OLA1: variants seen among roughly 807,000 people sequenced by gnomAD.
The protein encoded by OLA1 is obg-like ATPase 1.
Under a neutral mutation model 48.4 loss-of-function variants are expected in OLA1, and 14 were observed. The ratio of observed to expected loss-of-function variants is 0.29; its 90% CI spans 0.19 to 0.45. The LOEUF (loss-of-function observed/expected upper bound fraction) is 0.45, where lower values mean the gene tolerates loss of function less well. Among genes scored for constraint, OLA1 ranks in the 20% least tolerant of loss-of-function variants. The pLI is 1.00. For synonymous variants in OLA1, 127 were observed against 150.4 expected, an observed-to-expected ratio of 0.84 and a Z score of 1.14; for missense variants, 325 against 467.1, an observed-to-expected ratio of 0.70 and a Z score of 2.80.
chr2:174,085,606 A>C (rs1253319630), intron 7 of OLA1, among the ~76,000 whole-genome samples: 1 of 152,170 alleles, frequency 6.6e-6, no homozygotes, highest in Admixed American at 6.5e-5. Context: ...CATTAGTATT[A>C]AATTAATATC....
At chr2:174,224,626 C>T (rs1688576852) in intron 3 of OLA1, among the ~76,000 whole-genome samples, 1 of 151,684 alleles carries the variant, frequency 6.6e-6, no homozygotes, top group South Asian at 2.1e-4. Flanking sequence ...ACAAAAAAGA[C>T]ATGAAAAGAC....
At chr2:174,110,914 G>A (rs10497419) in intron 7 of OLA1, among the ~76,000 whole-genome samples, 8,216 of 152,192 alleles carry the variant, frequency 0.054, 303 homozygotes, top group Middle Eastern at 0.14. Flanking sequence ...CAGGACTCAA[G>A]TTAGTTAAGA....
At chr2:174,153,326 A>G (rs1686789061) in intron 4 of OLA1, among the ~76,000 whole-genome samples, 1 of 152,176 alleles carries the variant, frequency 6.6e-6, no homozygotes, top group Non-Finnish European at 1.5e-5. Context: ...TAATTTTAAG[A>G]GTTCTCTTAA....
At chr2:174,207,621 A>G (rs961105975) in intron 4 of OLA1, among the ~76,000 whole-genome samples, 20 of 152,152 alleles carry the variant, frequency 1.3e-4, no homozygotes, top group Admixed American at 4.6e-4. Flanking sequence ...AGATGGAATT[A>G]TTTTTCTAAT....
chr2:174,096,967 C>T (rs1685270207), intron 7 of OLA1, among the ~76,000 whole-genome samples: 1 of 152,104 alleles, frequency 6.6e-6, no homozygotes, highest in African/African-American at 2.4e-5. Flanking sequence ...ACCAGCCTGG[C>T]CAACATGGCG....
intron 4 of OLA1, among the ~76,000 whole-genome samples, chr2:174,219,788 T>A (rs921328814): frequency 2.6e-5 from 4 of 152,164 alleles, no homozygotes; most frequent in Admixed American, 6.5e-5. Context: ...AATAAGCTAC[T>A]GGAACAATTT....
At chr2:174,200,231 T>TTTA (rs1317371149) in intron 4 of OLA1, among the ~76,000 whole-genome samples, 2 of 152,138 alleles carry the variant, frequency 1.3e-5, no homozygotes, top group African/African-American at 4.8e-5. Context: ...TTTTAAAAGT[T>TTTA]TTAGAGTCTC....
intron 7 of OLA1, among the ~76,000 whole-genome samples, chr2:174,116,853 G>A (rs1370357057): frequency 6.6e-6 from 1 of 152,074 alleles, no homozygotes; most frequent in Non-Finnish European, 1.5e-5. Context: ...GAGAGACTGA[G>A]ATATATGAAA....
chr2:174,225,163 G>A (rs1177842386), intron 3 of OLA1, among the ~76,000 whole-genome samples: 2 of 152,112 alleles, frequency 1.3e-5, no homozygotes, highest in Non-Finnish European at 2.9e-5. Flanking sequence ...AGAGCAGGTT[G>A]TTTAAAATGG....
rs748849464 is a variant in OLA1 at position 174,229,436 on chromosome 2, G to A, written c.117C>T (p.Phe39=). 2 of 1,607,868 alleles carry A rather than the reference G, an allele frequency of 1.2e-6. No individual in the cohort carries two copies. Among genetic ancestry groups the A allele is most frequent in the East Asian group, 2.2e-5 (1 of 44,780 alleles). ...GLPNVGKSTF[F]NVLTNSQASA... ...AAGCCTGACTATTGGTTAACACATTGAAGAAAGTAGATTTCCTAAAACAAA... is the reference window on the plus strand; with the variant it reads ...AAGCCTGACTATTGGTTAACACATTAAAGAAAGTAGATTTCCTAAAACAAA... The change falls in exon 3 of 11, where the codon TTC becomes TTT. Residue 39 remains phenylalanine, a synonymous_variant. Transcript: ENST00000284719.
At chr2:174,173,225 ACT>A (rs1021847594) in intron 4 of OLA1, among the ~76,000 whole-genome samples, 11 of 152,148 alleles carry the variant, frequency 7.2e-5, no homozygotes, top group Non-Finnish European at 8.8e-5. Context: ...GGCTCTCAAG[ACT>A]CTCTACCATC....
At chr2:174,120,298 T>C (rs1574492424) in intron 7 of OLA1, among the ~76,000 whole-genome samples, 1 of 152,192 alleles carries the variant, frequency 6.6e-6, no homozygotes, top group South Asian at 2.1e-4. Context: ...CAATCTCAAA[T>C]GAAAATTAAT....
At chr2:174,148,764 C>A (rs1331848962) in intron 4 of OLA1, among the ~76,000 whole-genome samples, 1 of 152,164 alleles carries the variant, frequency 6.6e-6, no homozygotes, top group Non-Finnish European at 1.5e-5. Context: ...TTCTTCCCAG[C>A]AGTAAAATAG....
chr2:174,202,495 T>C (rs1290239147), intron 4 of OLA1, among the ~76,000 whole-genome samples: 1 of 152,216 alleles, frequency 6.6e-6, no homozygotes, highest in Admixed American at 6.5e-5. Flanking sequence ...TTTTTTTCAT[T>C]GTGTTTAATG....
At chr2:174,236,508 G>C (rs1021196687) in intron 2 of OLA1, among the ~76,000 whole-genome samples, 6 of 152,126 alleles carry the variant, frequency 3.9e-5, no homozygotes, top group South Asian at 2.1e-4. Flanking sequence ...AAAAAGACTG[G>C]AGAAAGAAAT....
intron 7 of OLA1, among the ~76,000 whole-genome samples, chr2:174,085,005 C>T (rs183049171): frequency 1.3e-5 from 2 of 152,286 alleles, no homozygotes; most frequent in African/African-American, 2.4e-5. Context: ...CTTCATTTTG[C>T]AAATCTGTCT....
At chr2:174,178,866 C>T (rs572175174) in intron 4 of OLA1, among the ~76,000 whole-genome samples, 1 of 151,750 alleles carries the variant, frequency 6.6e-6, no homozygotes, top group Admixed American at 6.6e-5. Flanking sequence ...TCAGTAAGAG[C>T]AAAATTAAAA....
intron 4 of OLA1, among the ~76,000 whole-genome samples, chr2:174,170,128 G>C (rs1455064673): frequency 6.6e-6 from 1 of 152,206 alleles, no homozygotes; most frequent in Non-Finnish European, 1.5e-5. Context: ...AGCTACTCCA[G>C]AGGCTGAGGC....
At chr2:174,105,911 G>A (rs1455035590) in intron 7 of OLA1, among the ~76,000 whole-genome samples, 1 of 151,942 alleles carries the variant, frequency 6.6e-6, no homozygotes, top group African/African-American at 2.4e-5. Context: ...AATATTTTCC[G>A]TAAACGGCAA....
Sources: gnomAD v4.1 joint callset for allele counts (sites outside exome capture counted in the v4.1 genomes callset) on GRCh38, gnomAD v4.1.1 for gene constraint, MANE v1.5 for transcripts, NCBI Gene and HGNC (gene_info 2026-07-23, HGNC 2026-07-21) for gene names.